LARP4B: variants seen among roughly 807,000 people sequenced by gnomAD.
The protein encoded by LARP4B is La ribonucleoprotein 4B.
A neutral mutation model predicts 89.8 loss-of-function variants in LARP4B; 12 were observed. The observed-to-expected ratio is 0.13, with a 90% CI of 0.09 to 0.22. The LOEUF (loss-of-function observed/expected upper bound fraction) is 0.22. LARP4B is among the 10% of genes least tolerant of loss of function. The probability of loss-of-function intolerance (pLI) is 1.00; values close to 1 mark genes in which losing one functional copy is unlikely to be tolerated. For missense variants in LARP4B, 757 were observed against 947.7 expected (o/e 0.80, Z 2.64); for synonymous variants, 367 against 363.3 (o/e 1.01, Z -0.12).
the LARP4B span, among the ~76,000 whole-genome samples, chr10:962,630 A>C: frequency 6.6e-6 from 1 of 152,238 alleles, no homozygotes; most frequent in Non-Finnish European, 1.5e-5. Context: ...AGGGATTTAT[A>C]GACGGAATCA....
intron 3 of LARP4B, among the ~76,000 whole-genome samples, chr10:877,726 T>C (rs1471455787): frequency 6.6e-6 from 1 of 151,892 alleles, no homozygotes; most frequent in Non-Finnish European, 1.5e-5. Flanking sequence ...GCCATGAGAG[T>C]CTGCAGTGAT....
intron 1 of LARP4B, among the ~76,000 whole-genome samples, chr10:887,746 G>C (rs1436475565): frequency 6.6e-6 from 1 of 150,866 alleles, no homozygotes; most frequent in Admixed American, 6.6e-5. Context: ...AAAACTGGCA[G>C]GGTGCAGTGG....
chr10:879,520 C>G (rs978774262), intron 3 of LARP4B, among the ~76,000 whole-genome samples: 21 of 152,168 alleles, frequency 1.4e-4, no homozygotes, highest in African/African-American at 4.3e-4. Context: ...TTTTTAGAGA[C>G]AGGGTCTCCC....
At chr10:848,837 G>T (rs978744301) in intron 5 of LARP4B, among the ~76,000 whole-genome samples, 5 of 152,174 alleles carry the variant, frequency 3.3e-5, no homozygotes, top group African/African-American at 1.2e-4. Context: ...CTACACACAG[G>T]AGTAGAGAGC....
the LARP4B span, among the ~76,000 whole-genome samples, chr10:966,682 G>A: frequency 3.3e-5 from 5 of 152,244 alleles, no homozygotes; most frequent in Admixed American, 6.5e-5. Flanking sequence ...AAAGGCTTGC[G>A]GGAGACAGGG....
At chr10:833,026 T>C (rs1433794164) in intron 8 of LARP4B, among the ~76,000 whole-genome samples, 1 of 151,486 alleles carries the variant, frequency 6.6e-6, no homozygotes, top group Admixed American at 6.6e-5. Flanking sequence ...AGGCTAGAAG[T>C]GGAGAATGGG....
At chr10:976,609 G>A in the LARP4B span, among the ~76,000 whole-genome samples, 127 of 148,734 alleles carry the variant, frequency 8.5e-4, no homozygotes, top group African/African-American at 2.6e-3. Context: ...TGTGTGGCCC[G>A]GCTTAGTAGA....
chr10:959,118 T>C, the LARP4B span, among the ~76,000 whole-genome samples: 6 of 152,082 alleles, frequency 3.9e-5, no homozygotes, highest in African/African-American at 1.4e-4. Context: ...TGGTTGACAG[T>C]GGGTGCTGGC....
chr10:948,096 A>G, the LARP4B span, among the ~76,000 whole-genome samples: 15 of 151,710 alleles, frequency 9.9e-5, no homozygotes, highest in Admixed American at 6.6e-4. Flanking sequence ...CCCACCACCC[A>G]CCACCGAGAT....
intron 5 of LARP4B, among the ~76,000 whole-genome samples, chr10:862,290 AC>A (rs1834665248): frequency 7.2e-6 from 1 of 138,126 alleles, no homozygotes; most frequent in Admixed American, 7.4e-5. Flanking sequence ...AACAACCGTC[AC>A]AGAACATCTA....
At chr10:878,241 A>G (rs1835532803) in intron 3 of LARP4B, among the ~76,000 whole-genome samples, 1 of 152,242 alleles carries the variant, frequency 6.6e-6, no homozygotes, top group African/African-American at 2.4e-5. Context: ...TGTTGAGCAC[A>G]GGAGTGGCAG....
At chr10:884,298 T>C (rs1835786523) in intron 3 of LARP4B, 149 bp downstream of exon 3, 1 of 680,274 alleles carries the variant, frequency 1.5e-6, no homozygotes, top group African/African-American at 1.8e-5. Context: ...TACCCAGGGG[T>C]TGTGGTGATG....
At chr10:923,677 G>A (rs1837051557) in intron 1 of LARP4B, among the ~76,000 whole-genome samples, 2 of 152,090 alleles carry the variant, frequency 1.3e-5, no homozygotes, top group Admixed American at 1.3e-4. Context: ...AAATTTTAAA[G>A]GACCTGATAT....
chr10:812,832 G>A lies in LARP4B; in HGVS notation c.*94C>T. On this transcript the variant is annotated 3_prime_UTR_variant, in exon 18 of 18. Transcript: ENST00000316157. Reference sequence around the variant, plus strand: ...ATCCCACAGGCCTCAGACACTGCAAGCTCCTAACCAGCGGCTCGCCCTCGC... The same window carrying A: ...ATCCCACAGGCCTCAGACACTGCAAACTCCTAACCAGCGGCTCGCCCTCGC... The A allele has an allele frequency of 8.5e-7, 1 of 1,181,780 alleles. No individual in the cohort carries two copies. Among genetic ancestry groups the A allele is most frequent in the Non-Finnish European group, 1.1e-6 (1 of 897,344 alleles). 73.2% of individuals were successfully genotyped at this position (1,181,780 alleles called of 1,614,324 possible).
chr10:849,932 G>A (rs994184256), intron 5 of LARP4B, among the ~76,000 whole-genome samples: 1 of 152,176 alleles, frequency 6.6e-6, no homozygotes, highest in Admixed American at 6.5e-5. Flanking sequence ...GAAAGCCTGG[G>A]AAACTGTTAC....
intron 1 of LARP4B, among the ~76,000 whole-genome samples, chr10:919,966 A>G (rs1836934256): frequency 6.6e-6 from 1 of 152,262 alleles, no homozygotes; most frequent in African/African-American, 2.4e-5. Context: ...TTAATGGATT[A>G]TCTAAAATGA....
intron 3 of LARP4B, chr10:869,947 A>G: frequency 1.2e-5 from 2 of 160,544 alleles, no homozygotes; most frequent in Non-Finnish European, 1.2e-5. Flanking sequence ...TAATAATAAT[A>G]ATAAATTAAA....
At chr10:970,566 T>C in the LARP4B span, among the ~76,000 whole-genome samples, 4 of 152,200 alleles carry the variant, frequency 2.6e-5, no homozygotes, top group African/African-American at 9.7e-5. Flanking sequence ...TTCTGTGCCA[T>C]AACACTCTGC....
intron 1 of LARP4B, among the ~76,000 whole-genome samples, chr10:927,431 T>C (rs1228119376): frequency 2.0e-5 from 3 of 152,236 alleles, no homozygotes; most frequent in Non-Finnish European, 4.4e-5. Flanking sequence ...ATCTCCCTTC[T>C]TTTGAGAACC....
Sources: gnomAD v4.1 joint callset for allele counts (sites outside exome capture counted in the v4.1 genomes callset) on GRCh38, gnomAD v4.1.1 for gene constraint, MANE v1.5 for transcripts, NCBI Gene and HGNC (gene_info 2026-07-23, HGNC 2026-07-21) for gene names.